The following G2E3 variants were observed in gnomAD, a reference collection of about 807,000 sequenced individuals.
G2E3 encodes the protein G2/M-phase specific E3 ubiquitin protein ligase.
G2E3 carries 35 observed loss-of-function variants against 92.8 expected under a neutral mutation model. That is an observed-to-expected ratio of 0.38 (90% CI 0.29 to 0.50). The LOEUF (loss-of-function observed/expected upper bound fraction) is 0.50, where lower values mean the gene tolerates loss of function less well. G2E3 is among the 20% of genes least tolerant of loss of function. The probability of loss-of-function intolerance (pLI) is 0.94; values close to 1 mark genes in which losing one functional copy is unlikely to be tolerated. For synonymous variants in G2E3, 242 were observed against 272.4 expected, an observed-to-expected ratio of 0.89 and a Z score of 1.10; for missense variants, 554 against 823.8, an observed-to-expected ratio of 0.67 and a Z score of 4.01.
In G2E3 at chr14:30,616,644, CCT is replaced by C. The variant is rs948067711; in HGVS notation, c.*111_*112del. 28 of 790,886 alleles carry C rather than the reference CCT, an allele frequency of 3.5e-5. No homozygotes were observed. In the East Asian group the frequency reaches 7.4e-4, roughly 21 times the overall value. The allele number at this position is 790,886 out of a possible 1,614,324, so 49.0% of individuals were successfully genotyped here. On this transcript the variant is annotated 3_prime_UTR_variant, in exon 15 of 15. Transcript: ENST00000206595. ...TTGAACAAACTAGTTAGCTTCTTGA[CCT>C]AATAAAATTTATGATATGAATATAA...
chr14:30,593,425 TTTTGC>T, intron 5 of G2E3, 44 bp from the exon 6 acceptor site: 1 of 880,652 alleles, frequency 1.1e-6, no homozygotes, highest in Non-Finnish European at 1.8e-6. Context: ...GTTTTCCAAG[TTTTGC>T]TTTGCAGTTC....
chr14:30,559,536 A>G (rs1034830909), intron 1 of G2E3: 6 of 152,090 alleles, frequency 3.9e-5, no homozygotes, highest in Non-Finnish European at 5.9e-5. Flanking sequence ...CCCGCGAGTA[A>G]ACCTTGTTTA....
chr14:30,572,846 T>G (rs1272453216), intron 1 of G2E3, among the ~76,000 whole-genome samples: 2 of 152,122 alleles, frequency 1.3e-5, no homozygotes, highest in African/African-American at 4.8e-5. Context: ...TGAGGGATGA[T>G]AAAATTGAGG....
At chr14:30,568,962 A>G (rs1043488446) in intron 1 of G2E3, among the ~76,000 whole-genome samples, 1 of 152,130 alleles carries the variant, frequency 6.6e-6, no homozygotes. Flanking sequence ...CAGATCTACT[A>G]AAAGTTTCCC....
rs1882372643 is a variant in G2E3, at chr14:30,617,587, C to G, written c.*1053C>G. 6.6e-6 allele frequency: 1 copy of G among 151,892 alleles called. No individual in the cohort carries two copies. Among genetic ancestry groups the G allele is most frequent in the African/African-American group, 2.4e-5 (1 of 41,338 alleles). 9.4% of individuals were successfully genotyped at this position (151,892 alleles called of 1,614,324 possible). On this transcript the variant is annotated 3_prime_UTR_variant, in exon 15 of 15. Transcript: ENST00000206595. The stretch of plus-strand genomic sequence containing the variant: ...GCATTATACAGTTATCTTCATTGCT[C>G]TTGAATGATATCTGTTATATAAGCA...
In G2E3 at chr14:30,604,665, G is replaced by A. The variant is rs187840856; in HGVS notation, c.1011-840G>A. Among the ~76,000 whole-genome samples, 9 of 152,268 alleles carry A rather than the reference G, an allele frequency of 5.9e-5. No homozygotes were observed. In the East Asian group the frequency reaches 1.7e-3, roughly 29 times the overall value. ...ACTAAAAGGTACTATTTTAGGAATTGTGAATTCTGTTTATAATATTAGCTC... is the reference window on the plus strand; with the variant it reads ...ACTAAAAGGTACTATTTTAGGAATTATGAATTCTGTTTATAATATTAGCTC... On this transcript the variant is annotated intron_variant, in intron 10 of 14. Coordinates refer to ENST00000206595, the MANE Select transcript of G2E3 (RefSeq NM_017769.5).
At chr14:30,611,252 T>C (rs1882074860) in intron 12 of G2E3, 1 of 152,224 alleles carries the variant, frequency 6.6e-6, no homozygotes, top group Admixed American at 6.5e-5. Context: ...GTTGAGGGTT[T>C]GCAGGGATGA....
intron 9 of G2E3, 25 bp from the exon 10 acceptor site, chr14:30,601,974 C>T: frequency 6.2e-7 from 1 of 1,606,572 alleles, no homozygotes; most frequent in Non-Finnish European, 8.5e-7. Context: ...CTCTATTATG[C>T]TAACATGGAA....
At chr14:30,580,828 A>G (rs1880391154) in intron 1 of G2E3, 1 of 403,198 alleles carries the variant, frequency 2.5e-6, no homozygotes, top group Non-Finnish European at 4.5e-6. Flanking sequence ...GCCTCTTTCC[A>G]CTAAATACCA....
At chr14:30,584,987 A>C (rs1007295333) in intron 2 of G2E3, among the ~76,000 whole-genome samples, 3 of 151,672 alleles carry the variant, frequency 2.0e-5, no homozygotes, top group African/African-American at 7.3e-5. Flanking sequence ...ACACACCACC[A>C]TGCCCAGCTA....
chr14:30,594,317 A>T (rs561786626), intron 6 of G2E3, among the ~76,000 whole-genome samples: 3 of 152,306 alleles, frequency 2.0e-5, no homozygotes, highest in South Asian at 4.1e-4. Flanking sequence ...TAAGTTTAAT[A>T]CTGTTTTTTA....
chr14:30,612,221 A>G lies in G2E3; in HGVS notation c.1515A>G (p.Thr505=), dbSNP rs766587754. Residue 505 remains threonine, a synonymous_variant, in exon 13 of 15, where the codon ACA becomes ACG. Transcript: ENST00000206595. The stretch of plus-strand genomic sequence containing the variant: ...CTTCATTACAGATAAATACTGCAAC[A>G]ACTGTAGCTGACTTAAAGTCAATAA... ...AQIIIRINTA[T]TVADLKSIIN... is the part of the protein sequence containing the mutation. 1.6e-5 allele frequency: 25 copies of G among 1,610,362 alleles called. No individual in the cohort carries two copies. The highest frequency in any genetic ancestry group is 2.1e-5 in the Non-Finnish European group (25 of 1,177,502).
chr14:30,613,571 G>A (rs967479794), intron 13 of G2E3, among the ~76,000 whole-genome samples: 3 of 152,064 alleles, frequency 2.0e-5, no homozygotes, highest in Admixed American at 6.5e-5. Flanking sequence ...TGGGAAATGG[G>A]TAATTCACAA....
intron 1 of G2E3, among the ~76,000 whole-genome samples, chr14:30,571,823 A>G (rs1409012464): frequency 6.6e-6 from 1 of 152,042 alleles, no homozygotes; most frequent in Non-Finnish European, 1.5e-5. Flanking sequence ...TGATTAACAT[A>G]GCTCTATAAG....
chr14:30,609,511 C>T (rs935133356), intron 12 of G2E3, among the ~76,000 whole-genome samples: 1 of 152,128 alleles, frequency 6.6e-6, no homozygotes, highest in African/African-American at 2.4e-5. Flanking sequence ...CTTACTTCTT[C>T]TTACCCCTGA....
chr14:30,619,483 TAAG>T lies in G2E3; in HGVS notation c.*2950_*2952del. 1 of 152,264 alleles carries T rather than the reference TAAG, an allele frequency of 6.6e-6. No individual in the cohort carries two copies. Among genetic ancestry groups the T allele is most frequent in the South Asian group, 2.1e-4 (1 of 4,826 alleles). 9.4% of individuals were successfully genotyped at this position (152,264 alleles called of 1,614,324 possible). On this transcript the variant is annotated 3_prime_UTR_variant, in exon 15 of 15. Transcript: ENST00000206595. ...CATGTACTGCATTGTTACTTTAAAA[TAAG>T]CTATTAAACTAGTTTTTATGGTTCA...
chr14:30,599,818 T>C (rs886312293), intron 8 of G2E3, among the ~76,000 whole-genome samples: 4 of 152,340 alleles, frequency 2.6e-5, no homozygotes, highest in East Asian at 1.9e-4. Flanking sequence ...AAATTACATA[T>C]ATGGTTTACA....
chr14:30,613,911 A>G (rs1338557218), intron 13 of G2E3, among the ~76,000 whole-genome samples: 1 of 152,166 alleles, frequency 6.6e-6, no homozygotes, highest in African/African-American at 2.4e-5. Context: ...TCTCAGAATA[A>G]CAATACTAAC....
At chr14:30,563,695 T>TTG (rs56029424) in intron 1 of G2E3, among the ~76,000 whole-genome samples, 9,341 of 141,178 alleles carry the variant, frequency 0.066, 314 homozygotes, top group African/African-American at 0.085. Flanking sequence ...TTTGTTACTT[T>TTG]TGTGTGTGTG....
Sources: gnomAD v4.1 joint callset for allele counts (sites outside exome capture counted in the v4.1 genomes callset) on GRCh38, gnomAD v4.1.1 for gene constraint, MANE v1.5 for transcripts, NCBI Gene and HGNC (gene_info 2026-07-23, HGNC 2026-07-21) for gene names.